Variants in TDRD7 observed in about 807,000 individuals in gnomAD.
TDRD7 encodes the protein tudor domain-containing protein 7.
In TDRD7, 47 loss-of-function variants were observed where a neutral mutation model predicts 109.8. That is an observed-to-expected ratio of 0.43 (90% CI 0.34 to 0.55). The LOEUF (loss-of-function observed/expected upper bound fraction) is 0.55. Among genes scored for constraint, TDRD7 ranks in the 20% least tolerant of loss-of-function variants. The pLI is 0.03. For missense variants in TDRD7, 1,164 were observed against 1,319.2 expected (o/e 0.88, Z 1.82); for synonymous variants, 424 against 457.3 (o/e 0.93, Z 0.93).
At position 97,450,627 on chromosome 9, in the gene TDRD7, T is replaced by TTAA. The variant is rs149968616; in HGVS notation, c.855+8752_855+8753insTAA. Among the ~76,000 whole-genome samples the TTAA allele has an allele frequency of 8.2e-3, 1,255 of 152,270 alleles. 43 individuals carry two copies. The East Asian group carries it at 0.11, about 13-fold the overall frequency. On this transcript the variant is annotated intron_variant, in intron 6 of 16. Coordinates refer to ENST00000355295, the MANE Select transcript of TDRD7 (RefSeq NM_014290.3). ...CCAGTAAAGAATGGACACCACACTG[T>TTAA]CCATTATAGCAATTCTTTATCTTTA... is the stretch of plus-strand genomic sequence containing the variant.
chr9:97,421,862 A>G (rs906519346), intron 1 of TDRD7, among the ~76,000 whole-genome samples: 4 of 151,818 alleles, frequency 2.6e-5, no homozygotes, highest in South Asian at 4.2e-4. Flanking sequence ...TGCCCAGCCA[A>G]TTTTTTCTTC....
chr9:97,448,624 T>C (rs931927055), intron 6 of TDRD7, among the ~76,000 whole-genome samples: 1 of 152,228 alleles, frequency 6.6e-6, no homozygotes, highest in African/African-American at 2.4e-5. Flanking sequence ...TATTTTTTGC[T>C]TTTTCTTTGT....
intron 6 of TDRD7, among the ~76,000 whole-genome samples, chr9:97,450,403 A>T (rs1282107319): frequency 5.3e-5 from 8 of 152,192 alleles, no homozygotes. Context: ...TAAAGGAACT[A>T]GATGCCGTAA....
chr9:97,488,917 A>G (rs1236395040), intron 16 of TDRD7, among the ~76,000 whole-genome samples: 2 of 152,206 alleles, frequency 1.3e-5, no homozygotes, highest in African/African-American at 2.4e-5. Flanking sequence ...CCCATGTGTT[A>G]TTTAGAACTG....
At chr9:97,432,514 A>G (rs1370690384) in intron 4 of TDRD7, among the ~76,000 whole-genome samples, 1 of 152,196 alleles carries the variant, frequency 6.6e-6, no homozygotes, top group East Asian at 1.9e-4. Context: ...AGTATAACTT[A>G]TAACTTTTTC....
At chr9:97,436,690 C>G (rs1195473245) in intron 4 of TDRD7, among the ~76,000 whole-genome samples, 2 of 151,994 alleles carry the variant, frequency 1.3e-5, no homozygotes, top group Non-Finnish European at 2.9e-5. Context: ...ATTGTTGTGG[C>G]TTCATTTTTT....
chr9:97,494,911 A>T (rs1421306734), intron 16 of TDRD7, among the ~76,000 whole-genome samples: 2 of 151,902 alleles, frequency 1.3e-5, no homozygotes, highest in Non-Finnish European at 2.9e-5. Flanking sequence ...GGGCTGGGCT[A>T]TGTTGCCCAG....
intron 6 of TDRD7, among the ~76,000 whole-genome samples, chr9:97,451,982 GAATTAT>G (rs1232265823): frequency 2.6e-5 from 4 of 152,326 alleles, no homozygotes; most frequent in Admixed American, 2.6e-4. Context: ...AACTGAAAAA[GAATTAT>G]ATTTGCTTTA....
At chr9:97,470,008 C>T (rs762304839) in intron 8 of TDRD7, among the ~76,000 whole-genome samples, 3 of 152,078 alleles carry the variant, frequency 2.0e-5, no homozygotes, top group Non-Finnish European at 4.4e-5. Flanking sequence ...AGCAGTGATA[C>T]CATTGTTGTC....
rs551463370 is a variant in TDRD7, at chr9:97,417,854, C to T, written c.-7+5616C>T. On this transcript the variant is annotated intron_variant, in intron 1 of 16. Coordinates refer to ENST00000355295, the MANE Select transcript of TDRD7 (RefSeq NM_014290.3). ...TAAAAAGGGGGTGAAAGGCCAGGCA[C>T]GGTGGCTCACACCTGTAATCCCAGC... Among the ~76,000 whole-genome samples, 8 of 152,292 alleles carry T rather than the reference C, an allele frequency of 5.3e-5. No homozygotes were observed. The South Asian group carries it at 1.7e-3, about 32-fold the overall frequency.
At chr9:97,470,489 TTAAGTG>T in intron 8 of TDRD7, 63 bp from the exon 9 acceptor site, 1 of 1,395,206 alleles carries the variant, frequency 7.2e-7, no homozygotes, top group Non-Finnish European at 1.0e-6. Flanking sequence ...ATTGAGCCAA[TTAAGTG>T]TATCAAATGA....
chr9:97,417,151 C>T (rs967842346), intron 1 of TDRD7, among the ~76,000 whole-genome samples: 24 of 152,022 alleles, frequency 1.6e-4, no homozygotes, highest in African/African-American at 5.6e-4. Flanking sequence ...AGTACAAAAG[C>T]CCTGTTGTGA....
At chr9:97,435,838 T>C (rs545286258) in intron 4 of TDRD7, among the ~76,000 whole-genome samples, 2 of 152,264 alleles carry the variant, frequency 1.3e-5, no homozygotes, top group South Asian at 4.1e-4. Flanking sequence ...CATCTATATC[T>C]ACTTATGAAA....
intron 4 of TDRD7, among the ~76,000 whole-genome samples, chr9:97,438,676 G>A (rs1333692967): frequency 6.6e-6 from 1 of 152,088 alleles, no homozygotes; most frequent in South Asian, 2.1e-4. Flanking sequence ...TTTAGTGAGG[G>A]TATGAGGTAG....
chr9:97,431,533 T>C (rs181503489), intron 3 of TDRD7, among the ~76,000 whole-genome samples: 1 of 152,292 alleles, frequency 6.6e-6, no homozygotes, highest in Non-Finnish European at 1.5e-5. Context: ...ATCTCAAGGA[T>C]CTTACAATCA....
intron 6 of TDRD7, among the ~76,000 whole-genome samples, chr9:97,447,266 T>C (rs1231923173): frequency 6.6e-6 from 1 of 152,170 alleles, no homozygotes; most frequent in Non-Finnish European, 1.5e-5. Flanking sequence ...TTTTACCTTA[T>C]CATTTCTTAG....
chr9:97,442,839 C>T (rs1314505806), intron 6 of TDRD7, among the ~76,000 whole-genome samples: 1 of 151,722 alleles, frequency 6.6e-6, no homozygotes, highest in Non-Finnish European at 1.5e-5. Flanking sequence ...TTTTGTCACC[C>T]AGGCTGAGTA....
rs187629026 is a variant in TDRD7 at position 97,470,748 on chromosome 9, A to G, written c.1741+79A>G. 4,182 of 1,054,728 alleles carry G rather than the reference A, an allele frequency of 4.0e-3. 14 individuals carry two copies. Among genetic ancestry groups the G allele is most frequent in the Non-Finnish European group, 5.1e-3 (3,530 of 689,428 alleles). The allele number at this position is 1,054,728 out of a possible 1,614,324, so 65.3% of individuals were successfully genotyped here. The stretch of plus-strand genomic sequence containing the variant: ...TACATTTGGATAGTTGAATCCTAAA[A>G]TGGACTAAGTATCTCATGTTATAAT... On this transcript the variant is annotated intron_variant, in intron 9 of 16. Transcript: ENST00000355295.
intron 8 of TDRD7, among the ~76,000 whole-genome samples, chr9:97,465,418 T>A (rs189282132): frequency 6.6e-6 from 1 of 152,332 alleles, no homozygotes; most frequent in East Asian, 1.9e-4. Flanking sequence ...TTCTTCTCCC[T>A]CTTCTGTAGC....
Sources: gnomAD v4.1 joint callset for allele counts (sites outside exome capture counted in the v4.1 genomes callset) on GRCh38, gnomAD v4.1.1 for gene constraint, MANE v1.5 for transcripts, NCBI Gene and HGNC (gene_info 2026-07-23, HGNC 2026-07-21) for gene names.